BICDL1: variants seen among roughly 807,000 people sequenced by gnomAD.
BICDL1 encodes BICD family-like cargo adapter 1.
BICDL1 carries 20 observed loss-of-function variants against 76.8 expected under a neutral mutation model. That is an observed-to-expected ratio of 0.26 (90% confidence interval 0.18 to 0.38). The LOEUF is 0.38. Ranked by LOEUF, BICDL1 falls within the 10% of genes least tolerant of loss-of-function variation. BICDL1 has a pLI of 1.00. For synonymous variants in BICDL1, 383 were observed against 337.1 expected (o/e 1.14, Z -1.49); for missense variants, 700 against 798.6 (o/e 0.88, Z 1.49).
chr12:119,996,122 TATA>T (rs1951640247), intron 1 of BICDL1, among the ~76,000 whole-genome samples: 1 of 152,102 alleles, frequency 6.6e-6, no homozygotes, highest in Non-Finnish European at 1.5e-5. Flanking sequence ...CTGTATAAAA[TATA>T]ATGTGTCTTT....
chr12:120,032,912 A>AT (rs1255971469), intron 2 of BICDL1, among the ~76,000 whole-genome samples: 1 of 151,582 alleles, frequency 6.6e-6, no homozygotes, highest in Non-Finnish European at 1.5e-5. Flanking sequence ...ATGCTGGCTA[A>AT]TTTTTTGTAT....
chr12:120,061,213 C>G (rs1237584776), intron 2 of BICDL1, among the ~76,000 whole-genome samples: 1 of 152,140 alleles, frequency 6.6e-6, no homozygotes, highest in Non-Finnish European at 1.5e-5. Flanking sequence ...GGCAAAAAAT[C>G]TTAACAGGTA....
chr12:120,052,745 T>C (rs1018646842), intron 2 of BICDL1, among the ~76,000 whole-genome samples: 6 of 152,230 alleles, frequency 3.9e-5, no homozygotes, highest in Non-Finnish European at 8.8e-5. Flanking sequence ...CCTGCAGCAA[T>C]TACTGTGATG....
rs928518967 is a variant in BICDL1 at position 120,061,838 on chromosome 12, G to T, written c.762+12G>T. 3 of 1,587,398 alleles carry T rather than the reference G, an allele frequency of 1.9e-6. No individual in the cohort carries two copies. Among genetic ancestry groups the T allele is most frequent in the South Asian group, 1.1e-5 (1 of 90,504 alleles). ...GCCTTCAGGCCGAGGTGAGCCTCCC[G>T]ACACAGCAGTGCTGGAAGGTGGAGT... On this transcript the variant is annotated intron_variant, in intron 3 of 9. Coordinates refer to ENST00000548673, the MANE Select transcript of BICDL1 (RefSeq NM_001367886.1).
In BICDL1 at chr12:120,015,704, A is replaced by G. The variant is rs1365479503; in HGVS notation, c.645+16968A>G. ...ATATGTTACTTAGTTCTGTGGTTCA[A>G]ATGTATAGCAAACTTGACCATTTAC... On this transcript the variant is annotated intron_variant, in intron 2 of 9. Transcript: ENST00000548673. Among the ~76,000 whole-genome samples, 8 of 152,292 alleles carry G rather than the reference A, an allele frequency of 5.3e-5. No individual in the cohort carries two copies. The East Asian group carries it at 1.3e-3, about 26-fold the overall frequency.
At chr12:120,057,818 C>CTTTTTTTTTTTTTTTTTTTTTT (rs143777152) in intron 2 of BICDL1, among the ~76,000 whole-genome samples, 4 of 78,324 alleles carry the variant, frequency 5.1e-5, no homozygotes, top group African/African-American at 2.6e-4. Flanking sequence ...GCGATTCCTG[C>CTTTTTTTTTTTTTTTTTTTTTT]TTTTTTTTTT....
intron 2 of BICDL1, among the ~76,000 whole-genome samples, chr12:120,042,011 A>C (rs1276280748): frequency 6.6e-6 from 1 of 152,182 alleles, no homozygotes. Context: ...GCTGTGCTGC[A>C]GAGAGTAGGC....
chr12:120,034,973 A>G (rs1439323373), intron 2 of BICDL1, among the ~76,000 whole-genome samples: 2 of 152,248 alleles, frequency 1.3e-5, no homozygotes, highest in Admixed American at 6.5e-5. Flanking sequence ...AGCTCTTAGT[A>G]TAATTGTGTT....
At chr12:120,061,388 A>C (rs1276381500) in intron 2 of BICDL1, among the ~76,000 whole-genome samples, 1 of 152,194 alleles carries the variant, frequency 6.6e-6, no homozygotes, top group Non-Finnish European at 1.5e-5. Flanking sequence ...CAGACTTTCA[A>C]TTTATTAGAT....
At chr12:120,080,764 T>C (rs1382566005) in intron 7 of BICDL1, 123 bp from the exon 8 acceptor site, 9 of 1,002,562 alleles carry the variant, frequency 9.0e-6, no homozygotes, top group Non-Finnish European at 1.1e-5. Context: ...AGTGGAATGC[T>C]ACCAGCTTGC....
intron 2 of BICDL1, among the ~76,000 whole-genome samples, chr12:120,022,064 CAG>C (rs1408124209): frequency 4.0e-5 from 6 of 149,634 alleles, no homozygotes; most frequent in Non-Finnish European, 8.9e-5. Flanking sequence ...GAGTATATAA[CAG>C]AGGTAGTATG....
chr12:120,081,940 AAC>A (rs1005862739), intron 8 of BICDL1, among the ~76,000 whole-genome samples: 22 of 151,270 alleles, frequency 1.5e-4, no homozygotes, highest in African/African-American at 4.6e-4. Flanking sequence ...AAAAAAAAAA[AAC>A]ACAATACAAT....
chr12:120,036,499 G>A (rs1952533714), intron 2 of BICDL1, among the ~76,000 whole-genome samples: 1 of 152,192 alleles, frequency 6.6e-6, no homozygotes, highest in Non-Finnish European at 1.5e-5. Context: ...ATCTGGAATT[G>A]TATTTCTTTC....
intron 2 of BICDL1, among the ~76,000 whole-genome samples, chr12:120,004,391 A>T (rs895399301): frequency 2.3e-4 from 35 of 152,128 alleles, no homozygotes; most frequent in Non-Finnish European, 1.0e-4. Flanking sequence ...GCATTGTATA[A>T]AAAGGGCTGC....
chr12:119,999,947 G>A, intron 2 of BICDL1: 1 of 258,910 alleles, frequency 3.9e-6, no homozygotes. Flanking sequence ...AGGGAAAAGT[G>A]TAAATAGGGC....
At chr12:120,058,796 G>A (rs1953038874) in intron 2 of BICDL1, among the ~76,000 whole-genome samples, 1 of 151,846 alleles carries the variant, frequency 6.6e-6, no homozygotes, top group South Asian at 2.1e-4. Flanking sequence ...TTACCATGTT[G>A]GCCAGGCTGG....
intron 1 of BICDL1, among the ~76,000 whole-genome samples, chr12:119,997,341 C>T (rs1471968551): frequency 6.6e-6 from 1 of 152,220 alleles, no homozygotes; most frequent in Non-Finnish European, 1.5e-5. Context: ...TACCATCTTT[C>T]ATATGCAATT....
Position 119,989,863 on chromosome 12 carries a change from C to T in BICDL1, c.-6C>T. The T allele has an allele frequency of 7.4e-7, 1 of 1,348,466 alleles. No individual in the cohort carries two copies. The highest frequency in any genetic ancestry group is 9.4e-7 in the Non-Finnish European group (1 of 1,061,766). 83.5% of individuals were successfully genotyped at this position (1,348,466 alleles called of 1,614,324 possible). A position where few individuals can be genotyped will look rare whatever the true frequency, so the allele number is the denominator to read the frequency against. On this transcript the variant is annotated 5_prime_UTR_variant, in exon 1 of 10. Coordinates refer to ENST00000548673, the MANE Select transcript of BICDL1 (RefSeq NM_001367886.1). ...CGCACCGCTGCGGGCTCCGCGCGCG[C>T]GGGCCATGTCCGCTTTCTGCCTGGG...
intron 2 of BICDL1, among the ~76,000 whole-genome samples, chr12:120,016,916 G>A (rs528178142): frequency 1.3e-3 from 205 of 151,920 alleles, no homozygotes; most frequent in Non-Finnish European, 2.0e-3. Context: ...TTTTTGAGAC[G>A]GAGTCTCGCT....
Sources: allele counts gnomAD v4.1 joint callset (sites outside exome capture counted in the v4.1 genomes callset), GRCh38; gene constraint gnomAD v4.1.1; transcripts MANE v1.5; gene names NCBI Gene and HGNC (gene_info 2026-07-23, HGNC 2026-07-21).